Variants in ATP6V0A4 observed in about 807,000 individuals in gnomAD.
ATP6V0A4 encodes ATPase H+ transporting V0 subunit a4, also known as V-type proton ATPase 116 kDa subunit a 4.
A neutral mutation model predicts 107.3 loss-of-function variants in ATP6V0A4; 86 were observed. The observed-to-expected ratio is 0.80, with a 90% CI of 0.67 to 0.96. The LOEUF (loss-of-function observed/expected upper bound fraction) is 0.96. Ranked by LOEUF, ATP6V0A4 falls within the 40% of genes least tolerant of loss-of-function variation. The pLI is 0.00. For missense variants in ATP6V0A4, 908 were observed against 1,045.6 expected, an observed-to-expected ratio of 0.87 and a Z score of 1.81; for synonymous variants, 353 against 381.4, an observed-to-expected ratio of 0.93 and a Z score of 0.87.
At chr7:138,788,503 G>C (rs1042231293) in intron 1 of ATP6V0A4, among the ~76,000 whole-genome samples, 8 of 152,190 alleles carry the variant, frequency 5.3e-5, no homozygotes, top group African/African-American at 1.7e-4. Context: ...AAATTAGTAA[G>C]AAACCAATCC....
chr7:138,729,682 G>A (rs868628672), intron 17 of ATP6V0A4, among the ~76,000 whole-genome samples: 81 of 152,270 alleles, frequency 5.3e-4, no homozygotes, highest in Non-Finnish European at 5.3e-4. Context: ...AGCCAGCCTC[G>A]GAAGGCTCGG....
At chr7:138,751,778 A>T (rs1435005822) in intron 11 of ATP6V0A4, among the ~76,000 whole-genome samples, 2 of 152,054 alleles carry the variant, frequency 1.3e-5, no homozygotes, top group African/African-American at 2.4e-5. Context: ...CTTATTATAG[A>T]TGCTTGGTTA....
intron 1 of ATP6V0A4, among the ~76,000 whole-genome samples, chr7:138,789,463 G>C (rs1808309678): frequency 6.6e-6 from 1 of 151,474 alleles, no homozygotes; most frequent in South Asian, 2.1e-4. Flanking sequence ...GGCCAGGCTG[G>C]TCTTGAACTC....
intron 21 of ATP6V0A4, among the ~76,000 whole-genome samples, chr7:138,707,162 TATATTATATATATTATATA>T (rs1562972370): frequency 1.5e-4 from 11 of 75,400 alleles, no homozygotes; most frequent in African/African-American, 6.4e-4. Context: ...TAATATATAA[TATATTATATATATTATATA>T]ATATATTATA....
Position 138,756,519 on chromosome 7 carries a change from T to C in ATP6V0A4, c.661A>G (p.Ile221Val). ...TCTCCTTGGTAAAATATGATGAATA[T>C]GTTCTTCTGAATTTCTTCTTTCTGG... ...PVTKEEIQKN[I>V]FIIFYQGEQL... The change falls in exon 9 of 22, where the codon ATA (isoleucine) becomes GTA (valine). Residue 221 changes from isoleucine (I) to valine (V), a missense_variant. Ile to Val is a conservative substitution (Grantham distance 29). Transcript: ENST00000310018. The C allele has an allele frequency of 6.2e-7, 1 of 1,611,794 alleles. No individual in the cohort carries two copies. The highest frequency in any genetic ancestry group is 1.1e-5 in the South Asian group (1 of 91,050).
At chr7:138,740,819 T>G (rs1194030041) in intron 14 of ATP6V0A4, among the ~76,000 whole-genome samples, 1 of 151,482 alleles carries the variant, frequency 6.6e-6, no homozygotes, top group African/African-American at 2.4e-5. Flanking sequence ...ACTGCATCTG[T>G]GGAAGGGCCC....
chr7:138,798,128 C>T lies in ATP6V0A4; in HGVS notation c.-215G>A. The T allele has an allele frequency of 6.2e-7, 1 of 1,601,382 alleles. No homozygotes were observed. Among genetic ancestry groups the T allele is most frequent in the East Asian group, 2.3e-5 (1 of 44,274 alleles). On this transcript the variant is annotated 5_prime_UTR_variant, in exon 1 of 22. Coordinates refer to ENST00000310018, the MANE Select transcript of ATP6V0A4 (RefSeq NM_020632.3). ...GCATGCAGCGCCTCCCCGCTGCCACCCGGGCCACCCTGATCCTCAGCCTGG... is the reference window on the plus strand; with the variant it reads ...GCATGCAGCGCCTCCCCGCTGCCACTCGGGCCACCCTGATCCTCAGCCTGG...
At chr7:138,749,655 G>A (rs1806131580) in intron 11 of ATP6V0A4, among the ~76,000 whole-genome samples, 1 of 151,866 alleles carries the variant, frequency 6.6e-6, no homozygotes, top group Non-Finnish European at 1.5e-5. Flanking sequence ...CTTCCAAATG[G>A]CTCTGGCCCT....
intron 5 of ATP6V0A4, among the ~76,000 whole-genome samples, chr7:138,763,647 A>G (rs1024670545): frequency 5.3e-5 from 8 of 151,870 alleles, no homozygotes; most frequent in African/African-American, 1.7e-4. Flanking sequence ...AATAAATAAC[A>G]ATAAAAATAA....
chr7:138,746,977 TAA>T (rs1488410355), intron 13 of ATP6V0A4, among the ~76,000 whole-genome samples: 4 of 152,298 alleles, frequency 2.6e-5, no homozygotes, highest in Non-Finnish European at 4.4e-5. Context: ...ATATTTTAAG[TAA>T]AAACACTACA....
chr7:138,743,185 G>T (rs770017859), intron 14 of ATP6V0A4, among the ~76,000 whole-genome samples: 1 of 151,912 alleles, frequency 6.6e-6, no homozygotes, highest in East Asian at 1.9e-4. Context: ...TGGGCCGGGC[G>T]TGTGGCTCAT....
intron 15 of ATP6V0A4, among the ~76,000 whole-genome samples, chr7:138,739,145 CTT>C (rs1805488784): frequency 6.6e-6 from 1 of 152,132 alleles, no homozygotes; most frequent in Non-Finnish European, 1.5e-5. Flanking sequence ...TAAATCCACA[CTT>C]TTTTAGAAAA....
Position 138,709,563 on chromosome 7 carries a change from C to T in ATP6V0A4, c.2429+61G>A, listed in dbSNP as rs1351400501. On this transcript the variant is annotated intron_variant, in intron 21 of 21. Transcript: ENST00000310018. ...TCACGATCTGAACCCAGTCGGCTGGCCCCACAGCCCACTCCCTTTCCCAAC... is the reference window on the plus strand; with the variant it reads ...TCACGATCTGAACCCAGTCGGCTGGTCCCACAGCCCACTCCCTTTCCCAAC... 4 of 1,533,462 alleles carry T rather than the reference C, an allele frequency of 2.6e-6. No individual in the cohort carries two copies. The African/African-American group carries it at 4.1e-5, about 16-fold the overall frequency. The allele number at this position is 1,533,462 out of a possible 1,614,324, so 95.0% of individuals were successfully genotyped here. A position where few individuals can be genotyped will look rare whatever the true frequency, so the allele number is the denominator to read the frequency against.
intron 17 of ATP6V0A4, among the ~76,000 whole-genome samples, chr7:138,731,837 G>A (rs1805035944): frequency 6.6e-6 from 1 of 152,004 alleles, no homozygotes; most frequent in Non-Finnish European, 1.5e-5. Flanking sequence ...AGGTCGCAAT[G>A]AGCCAAGATC....
rs1806056958 is a variant in ATP6V0A4 at position 138,748,278 on chromosome 7, C to T, written c.1181-714G>A. Among the ~76,000 whole-genome samples, 5 of 152,300 alleles carry T rather than the reference C, an allele frequency of 3.3e-5. No individual in the cohort carries two copies. The South Asian group carries it at 1.0e-3, about 32-fold the overall frequency. On this transcript the variant is annotated intron_variant, in intron 12 of 21. Transcript: ENST00000310018. The stretch of plus-strand genomic sequence containing the variant: ...CACCACACACCACCAGCAGTTTGCT[C>T]GCAGGGACCCTCAACCCAGGAGGCC...
rs762226360 is a variant in ATP6V0A4 at position 138,771,220 on chromosome 7, TCTC to T, written c.25_27del (p.Glu9del). On this transcript the variant is annotated inframe_deletion, in exon 3 of 22. Coordinates refer to ENST00000310018, the MANE Select transcript of ATP6V0A4 (RefSeq NM_020632.3). ...TGGAGAAACAGTTGTGACAAACACA[TCTC>T]CTCGCTTCGAAACACAGACACCATC... 2 of 1,613,806 alleles carry T rather than the reference TCTC, an allele frequency of 1.2e-6. No individual in the cohort carries two copies. The highest frequency in any genetic ancestry group is 1.7e-6 in the Non-Finnish European group (2 of 1,179,848).
chr7:138,718,900 C>T (rs1804291747), intron 19 of ATP6V0A4, among the ~76,000 whole-genome samples: 1 of 152,074 alleles, frequency 6.6e-6, no homozygotes, highest in East Asian at 1.9e-4. Context: ...AAGAATTCAT[C>T]TTGGCCAGGT....
chr7:138,784,450 C>G (rs1395458991), intron 2 of ATP6V0A4, among the ~76,000 whole-genome samples: 3 of 150,998 alleles, frequency 2.0e-5, no homozygotes, highest in Non-Finnish European at 4.4e-5. Flanking sequence ...TCCCGAGTAG[C>G]TGGGACTACA....
chr7:138,766,265 C>G lies in ATP6V0A4; in HGVS notation c.291+2515G>C, dbSNP rs563419911. Among the ~76,000 whole-genome samples the G allele has an allele frequency of 7.4e-5, 11 of 149,224 alleles. No homozygotes were observed. The Admixed American group carries it at 7.5e-4, about 10-fold the overall frequency. On this transcript the variant is annotated intron_variant, in intron 5 of 21. Coordinates refer to ENST00000310018, the MANE Select transcript of ATP6V0A4 (RefSeq NM_020632.3). ...TCACCCACGCTGGAGTGCAGTAGTG[C>G]GATCTCGGTTCCCTGCAACCTCCCT...
Sources: allele counts gnomAD v4.1 joint callset (sites outside exome capture counted in the v4.1 genomes callset), GRCh38; gene constraint gnomAD v4.1.1; transcripts MANE v1.5; gene names NCBI Gene and HGNC (gene_info 2026-07-23, HGNC 2026-07-21).